The following AGAP1 variants were observed in gnomAD, a reference collection of about 807,000 sequenced individuals.
The protein encoded by AGAP1 is ArfGAP with GTPase domain, ankyrin repeat and PH domain 1, also known as arf-GAP with GTPase, ANK repeat and PH domain-containing protein 1.
Under a neutral mutation model 105.3 loss-of-function variants are expected in AGAP1, and 29 were observed. That is an observed-to-expected ratio of 0.28 (90% CI 0.21 to 0.38). The LOEUF (loss-of-function observed/expected upper bound fraction) is 0.38. AGAP1 is among the 10% of genes least tolerant of loss of function. AGAP1 has a pLI of 1.00. For synonymous variants in AGAP1, 509 were observed against 485.9 expected (o/e 1.05, Z -0.63); for missense variants, 998 against 1,165.1 (o/e 0.86, Z 2.09).
At chr2:235,523,647 T>TA (rs1382427649) in intron 1 of AGAP1, among the ~76,000 whole-genome samples, 1 of 152,124 alleles carries the variant, frequency 6.6e-6, no homozygotes, top group African/African-American at 2.4e-5. Context: ...TGGCAGGTGT[T>TA]ACCAGTCAGG....
At chr2:235,987,685 C>T (rs1269118998) in intron 13 of AGAP1, among the ~76,000 whole-genome samples, 7 of 152,062 alleles carry the variant, frequency 4.6e-5, no homozygotes, top group Admixed American at 1.3e-4. Flanking sequence ...TAGCGGTATC[C>T]CAGAGATTCT....
chr2:236,123,168 G>C lies in AGAP1; in HGVS notation c.2371-751G>C, dbSNP rs780233541. 6.6e-6 allele frequency among the ~76,000 whole-genome samples: 1 copy of C among 152,134 alleles called. No individual in the cohort carries two copies. On this transcript the variant is annotated intron_variant, in intron 17 of 17. Coordinates refer to ENST00000304032, the MANE Select transcript of AGAP1 (RefSeq NM_001037131.3). This position sits in a 1 kb window ranked among gnomAD's most constrained non-coding sequence, Gnocchi z 4.6. ...GGCCCACGGCAGCCTCTGCCTCCTAGGCTCAAGCGATCCTCCCACCTCAGC... is the reference window on the plus strand; with the variant it reads ...GGCCCACGGCAGCCTCTGCCTCCTACGCTCAAGCGATCCTCCCACCTCAGC...
In AGAP1 at chr2:235,596,904, C is replaced by G. The variant is rs1397384057; in HGVS notation, c.163+102055C>G. Reference sequence around the variant, plus strand: ...CGAATGCCCCTCAGGAGCGCTTGCTCTGTACCCTATGAGGACATCATGAGG... The same window carrying G: ...CGAATGCCCCTCAGGAGCGCTTGCTGTGTACCCTATGAGGACATCATGAGG... On this transcript the variant is annotated intron_variant, in intron 1 of 17. Coordinates refer to ENST00000304032, the MANE Select transcript of AGAP1 (RefSeq NM_001037131.3). The surrounding 1 kb of genome is among the most constrained non-coding windows in gnomAD (Gnocchi z 5.9). Among the ~76,000 whole-genome samples, 1 of 152,184 alleles carries G rather than the reference C, an allele frequency of 6.6e-6. No homozygotes were observed. Among genetic ancestry groups the G allele is most frequent in the Non-Finnish European group, 1.5e-5 (1 of 68,032 alleles).
chr2:235,727,065 C>T (rs1951684232), intron 3 of AGAP1, among the ~76,000 whole-genome samples: 1 of 152,182 alleles, frequency 6.6e-6, no homozygotes, highest in South Asian at 2.1e-4. Context: ...TTGTCAATAG[C>T]TACAGCAAAA....
intron 6 of AGAP1, among the ~76,000 whole-genome samples, chr2:235,766,867 G>A (rs1954997039): frequency 2.0e-5 from 3 of 150,916 alleles, no homozygotes; most frequent in African/African-American, 4.9e-5. Flanking sequence ...TCAGCCTCCC[G>A]AGTAGCTGGG....
rs2050093162 is a variant in AGAP1, at chr2:235,882,757, GA to G, written c.1051-587del. 2.0e-5 allele frequency among the ~76,000 whole-genome samples: 3 copies of G among 152,144 alleles called. No homozygotes were observed. In the South Asian group the frequency reaches 6.2e-4, roughly 32 times the overall value. On this transcript the variant is annotated intron_variant, in intron 9 of 17. Transcript: ENST00000304032. This position sits in a 1 kb window ranked among gnomAD's most constrained non-coding sequence, Gnocchi z 4.6. The stretch of plus-strand genomic sequence containing the variant: ...CCCAAAGTTCTGGGATTACAGGCGT[GA>G]GCCACCGTGCCCGGCCTGGTTAATG...
At position 235,967,253 on chromosome 2, in the gene AGAP1, C is replaced by T. The variant is rs534926224; in HGVS notation, c.1484-1209C>T. ...TCTCATTACCTTCTCACTCCTCTGC[C>T]ATTTTCAAGTCTTGATTCAGTGTCC... On this transcript the variant is annotated intron_variant, in intron 12 of 17. Transcript: ENST00000304032. The surrounding 1 kb of genome is among the most constrained non-coding windows in gnomAD (Gnocchi z 4.7). Among the ~76,000 whole-genome samples the T allele has an allele frequency of 6.6e-6, 1 of 152,322 alleles. No homozygotes were observed. Among genetic ancestry groups the T allele is most frequent in the Admixed American group, 6.5e-5 (1 of 15,308 alleles).
chr2:235,709,845 G>A (rs769551102), intron 2 of AGAP1, among the ~76,000 whole-genome samples: 19 of 152,254 alleles, frequency 1.2e-4, no homozygotes, highest in Admixed American at 3.9e-4. Context: ...CCCCTCTACC[G>A]TAGGATGGAA....
intron 9 of AGAP1, among the ~76,000 whole-genome samples, chr2:235,863,975 G>A (rs1346859678): frequency 1.3e-5 from 2 of 152,214 alleles, no homozygotes; most frequent in African/African-American, 4.8e-5. Context: ...GGAGAGAAAG[G>A]ACAAATCTTT....
rs72984644 is a variant in AGAP1, at chr2:235,498,038, G to A, written c.163+3189G>A. Among the ~76,000 whole-genome samples, 576 of 133,814 alleles carry A rather than the reference G, an allele frequency of 4.3e-3. 4 individuals carry two copies. The highest frequency in any genetic ancestry group is 6.3e-3 in the Non-Finnish European group (414 of 65,430). 87.8% of individuals were successfully genotyped at this position (133,814 alleles called of 152,430 possible). ...ATTTTTGCTGTTGGAGTGAGGTGCA[G>A]CCTTGTCCAGGGGAAGGATGTTTTG... On this transcript the variant is annotated intron_variant, in intron 1 of 17. Transcript: ENST00000304032.
At position 236,076,054 on chromosome 2, in the gene AGAP1, A is replaced by C. The variant is rs1298273694; in HGVS notation, c.2114+26773A>C. Among the ~76,000 whole-genome samples, 4 of 152,216 alleles carry C rather than the reference A, an allele frequency of 2.6e-5. No homozygotes were observed. Among genetic ancestry groups the C allele is most frequent in the Admixed American group, 2.0e-4 (3 of 15,278 alleles). On this transcript the variant is annotated intron_variant, in intron 16 of 17. Transcript: ENST00000304032. The surrounding 1 kb of genome is among the most constrained non-coding windows in gnomAD (Gnocchi z 4.4). ...GCAGCTCTGCTCCTCACCAAGGCCC[A>C]AGACCCGTGCTGTCATAACAGTCCT...
At chr2:236,010,251 T>C (rs905830268) in intron 13 of AGAP1, among the ~76,000 whole-genome samples, 5 of 152,162 alleles carry the variant, frequency 3.3e-5, no homozygotes, top group African/African-American at 4.8e-5. Context: ...GGTGTAATAA[T>C]TGGGAGCTGT....
rs1305347856 is a variant in AGAP1, at chr2:235,906,198, C to T, written c.1156-2540C>T. Among the ~76,000 whole-genome samples, 1 of 152,190 alleles carries T rather than the reference C, an allele frequency of 6.6e-6. No homozygotes were observed. The highest frequency in any genetic ancestry group is 1.5e-5 in the Non-Finnish European group (1 of 68,038). ...CCTCGGGTGGCCGGGCACCTCTGCTCCCGGCCTCTGGGCTGATGTGAGATG... is the reference window on the plus strand; with the variant it reads ...CCTCGGGTGGCCGGGCACCTCTGCTTCCGGCCTCTGGGCTGATGTGAGATG... On this transcript the variant is annotated intron_variant, in intron 10 of 17. Transcript: ENST00000304032. This position sits in a 1 kb window ranked among gnomAD's most constrained non-coding sequence, Gnocchi z 5.3.
In AGAP1 at chr2:235,927,596, T is replaced by C. The variant is rs1372908655; in HGVS notation, c.1325-3169T>C. 6.6e-6 allele frequency among the ~76,000 whole-genome samples: 1 copy of C among 152,192 alleles called. No homozygotes were observed. The highest frequency in any genetic ancestry group is 1.5e-5 in the Non-Finnish European group (1 of 68,038). On this transcript the variant is annotated intron_variant, in intron 11 of 17. Transcript: ENST00000304032. The surrounding 1 kb of genome is among the most constrained non-coding windows in gnomAD (Gnocchi z 4.4). ...GATCAGCAACCTCCATTGGAACATT[T>C]CGTGGTCCCTTGTCTGGGGTTGAGA...
At chr2:236,077,208 C>T (rs1053915116) in intron 16 of AGAP1, among the ~76,000 whole-genome samples, 24 of 146,876 alleles carry the variant, frequency 1.6e-4, no homozygotes, top group African/African-American at 5.8e-4. Flanking sequence ...TGACATATTA[C>T]ATGTAGTCTT....
intron 15 of AGAP1, among the ~76,000 whole-genome samples, chr2:236,048,264 A>G (rs75280847): frequency 0.016 from 2,494 of 152,362 alleles, 71 homozygotes; most frequent in African/African-American, 0.057. Context: ...TGATGATGCC[A>G]GCCAGTTTCA....
At chr2:235,666,159 A>G (rs893041876) in intron 1 of AGAP1, among the ~76,000 whole-genome samples, 4 of 151,926 alleles carry the variant, frequency 2.6e-5, no homozygotes, top group African/African-American at 9.7e-5. Context: ...GCACGGAGGC[A>G]TTACCCGGCT....
At chr2:236,099,873 C>T (rs2059303249) in intron 16 of AGAP1, among the ~76,000 whole-genome samples, 2 of 152,076 alleles carry the variant, frequency 1.3e-5, no homozygotes, top group South Asian at 4.1e-4. Context: ...AACCCCGTCT[C>T]TACTAAAAAT....
At chr2:235,602,231 A>G (rs564364388) in intron 1 of AGAP1, among the ~76,000 whole-genome samples, 2 of 152,356 alleles carry the variant, frequency 1.3e-5, no homozygotes, top group South Asian at 4.1e-4. Flanking sequence ...GCACAAATAA[A>G]GCCGTGTTGG....
Sources: allele counts gnomAD v4.1 joint callset (sites outside exome capture counted in the v4.1 genomes callset), GRCh38; gene constraint gnomAD v4.1.1; non-coding constraint Gnocchi (gnomAD v3.1); transcripts MANE v1.5; gene names NCBI Gene and HGNC (gene_info 2026-07-23, HGNC 2026-07-21).